ARHGAP18: variants seen among roughly 807,000 people sequenced by gnomAD.
ARHGAP18 encodes the protein rho GTPase-activating protein 18.
A neutral mutation model predicts 86.2 loss-of-function variants in ARHGAP18; 67 were observed. The observed-to-expected ratio is 0.78, with a 90% confidence interval of 0.64 to 0.95. The LOEUF is 0.95. ARHGAP18 is among the 40% of genes least tolerant of loss of function. The pLI is 0.00. For missense variants in ARHGAP18, 691 were observed against 780.4 expected (o/e 0.89, Z 1.37); for synonymous variants, 283 against 280.4 (o/e 1.01, Z -0.09).
At chr6:129,587,273 A>C (rs984790326) in intron 12 of ARHGAP18, among the ~76,000 whole-genome samples, 2 of 152,186 alleles carry the variant, frequency 1.3e-5, no homozygotes, top group African/African-American at 4.8e-5. Flanking sequence ...TACCAAGAAA[A>C]GACAGGAAGG....
intron 9 of ARHGAP18, among the ~76,000 whole-genome samples, chr6:129,606,862 A>T (rs1030770209): frequency 6.9e-6 from 1 of 145,958 alleles, no homozygotes; most frequent in Non-Finnish European, 1.5e-5. Context: ...ACCGCAATTT[A>T]TTCTTTTTTT....
chr6:129,698,726 T>A (rs1398980319), intron 1 of ARHGAP18, among the ~76,000 whole-genome samples: 1 of 149,380 alleles, frequency 6.7e-6, no homozygotes, highest in Non-Finnish European at 1.5e-5. Context: ...CGGAGTTTTG[T>A]TCTTGTCACC....
chr6:129,695,963 T>C (rs921418409), intron 1 of ARHGAP18, among the ~76,000 whole-genome samples: 2 of 152,066 alleles, frequency 1.3e-5, no homozygotes, highest in African/African-American at 2.4e-5. Flanking sequence ...GTAATAAGTA[T>C]AGTGAGGTGA....
chr6:129,676,298 C>G (rs1296010321), intron 1 of ARHGAP18, among the ~76,000 whole-genome samples: 2 of 152,150 alleles, frequency 1.3e-5, no homozygotes, highest in Non-Finnish European at 2.9e-5. Context: ...TTCTAACCAC[C>G]CACAAAGGTT....
At chr6:129,608,788 C>G (rs189435732) in intron 8 of ARHGAP18, among the ~76,000 whole-genome samples, 3 of 152,170 alleles carry the variant, frequency 2.0e-5, no homozygotes, top group Non-Finnish European at 4.4e-5. Flanking sequence ...AAAACCATCA[C>G]AAGTTTCTGT....
chr6:129,620,687 C>T (rs1350991978), intron 5 of ARHGAP18, among the ~76,000 whole-genome samples: 1 of 152,112 alleles, frequency 6.6e-6, no homozygotes, highest in African/African-American at 2.4e-5. Context: ...ATTCCCTTTG[C>T]TTTGGTACTT....
chr6:129,616,198 C>T lies in ARHGAP18; in HGVS notation c.1044+14G>A, dbSNP rs1222202805. 1.9e-6 allele frequency: 3 copies of T among 1,599,776 alleles called. No individual in the cohort carries two copies. The highest frequency in any genetic ancestry group is 3.4e-5 in the Admixed American group (2 of 59,650). The stretch of plus-strand genomic sequence containing the variant: ...GTATGTTCTCTCTATGCTGACCAAT[C>T]CAAGCCTACCTACTTTTTGAAAGAT... On this transcript the variant is annotated intron_variant, in intron 7 of 14. Transcript: ENST00000368149.
intron 1 of ARHGAP18, among the ~76,000 whole-genome samples, chr6:129,652,412 G>T (rs374881453): frequency 3.9e-5 from 6 of 152,160 alleles, no homozygotes; most frequent in African/African-American, 1.4e-4. Context: ...TCAAAGCTGT[G>T]CTCCTGTTTC....
At chr6:129,606,022 T>G (rs1267456165) in intron 9 of ARHGAP18, 63 bp from the exon 10 acceptor site, 2 of 1,514,720 alleles carry the variant, frequency 1.3e-6, no homozygotes, top group Admixed American at 3.4e-5. Context: ...TTACTTTATT[T>G]TTTCACTTTT....
chr6:129,661,703 T>G (rs1199384795), intron 1 of ARHGAP18: 1 of 192,044 alleles, frequency 5.2e-6, no homozygotes, highest in African/African-American at 2.4e-5. Context: ...AGCTGTGACT[T>G]TCTATGAACC....
intron 1 of ARHGAP18, among the ~76,000 whole-genome samples, chr6:129,672,693 T>G (rs1180290937): frequency 2.6e-5 from 4 of 152,266 alleles, no homozygotes; most frequent in Non-Finnish European, 5.9e-5. Context: ...ACTTTGCTTT[T>G]ATAATAATTA....
At chr6:129,627,604 T>C (rs1291364424) in intron 5 of ARHGAP18, among the ~76,000 whole-genome samples, 1 of 146,566 alleles carries the variant, frequency 6.8e-6, no homozygotes, top group Admixed American at 6.9e-5. Context: ...AATAAATTAA[T>C]GAGGAGGGAG....
chr6:129,637,577 C>T (rs2114495670), intron 3 of ARHGAP18, among the ~76,000 whole-genome samples: 1 of 152,292 alleles, frequency 6.6e-6, no homozygotes, highest in East Asian at 1.9e-4. Context: ...ATAGTGAACT[C>T]TAACCTAACT....
At chr6:129,655,448 A>G (rs1295890893) in intron 1 of ARHGAP18, among the ~76,000 whole-genome samples, 1 of 152,126 alleles carries the variant, frequency 6.6e-6, no homozygotes, top group Admixed American at 6.5e-5. Flanking sequence ...AGAAGTCAGT[A>G]TTTATGCTGT....
At chr6:129,603,754 T>C (rs1270495575) in intron 10 of ARHGAP18, among the ~76,000 whole-genome samples, 2 of 152,206 alleles carry the variant, frequency 1.3e-5, no homozygotes, top group African/African-American at 2.4e-5. Context: ...GGTGTGATCA[T>C]TGGTCCAAAT....
At chr6:129,650,840 G>T (rs928344890) in intron 1 of ARHGAP18, among the ~76,000 whole-genome samples, 2 of 152,060 alleles carry the variant, frequency 1.3e-5, no homozygotes, top group African/African-American at 4.8e-5. Flanking sequence ...TCTCCAGTTT[G>T]ATCTGTTTTC....
intron 1 of ARHGAP18, among the ~76,000 whole-genome samples, chr6:129,703,002 A>G (rs888351527): frequency 4.2e-4 from 16 of 38,484 alleles, no homozygotes; most frequent in Middle Eastern, 0.026. Context: ...CATCTCCAAA[A>G]CAAAAAAAAA....
intron 1 of ARHGAP18, among the ~76,000 whole-genome samples, chr6:129,675,333 G>C (rs1448676722): frequency 1.3e-5 from 2 of 148,552 alleles, no homozygotes; most frequent in African/African-American, 5.0e-5. Flanking sequence ...GCAGTGAACC[G>C]AGACCGCGCC....
chr6:129,670,645 G>A (rs1166478191), intron 1 of ARHGAP18, among the ~76,000 whole-genome samples: 2 of 151,568 alleles, frequency 1.3e-5, no homozygotes, highest in African/African-American at 4.8e-5. Flanking sequence ...CGCATCAAAA[G>A]GAGACTCATT....
Sources: gnomAD v4.1 joint callset for allele counts (sites outside exome capture counted in the v4.1 genomes callset) on GRCh38, gnomAD v4.1.1 for gene constraint, MANE v1.5 for transcripts, NCBI Gene and HGNC (gene_info 2026-07-23, HGNC 2026-07-21) for gene names.